UTP15: variants seen among roughly 807,000 people sequenced by gnomAD.
The protein encoded by UTP15 is U3 small nucleolar RNA-associated protein 15 homolog.
In UTP15, 5 loss-of-function variants were observed where a neutral mutation model predicts 59.1. The ratio of observed to expected loss-of-function variants is 0.08; its 90% CI spans 0.04 to 0.18. UTP15 has a LOEUF of 0.18. Among genes scored for constraint, UTP15 ranks in the 10% least tolerant of loss-of-function variants. The pLI is 1.00. For missense variants in UTP15, 494 were observed against 616.7 expected (o/e 0.80, Z 2.11); for synonymous variants, 211 against 212.2 (o/e 0.99, Z 0.05).
intron 7 of UTP15, among the ~76,000 whole-genome samples, chr5:73,576,167 C>G (rs570976086): frequency 1.3e-5 from 2 of 151,808 alleles, no homozygotes; most frequent in East Asian, 3.9e-4. Context: ...GGCAGTGGCA[C>G]GATTTCGGCT....
At chr5:73,573,157 A>G (rs1747991766) in intron 7 of UTP15, among the ~76,000 whole-genome samples, 1 of 152,014 alleles carries the variant, frequency 6.6e-6, no homozygotes, top group African/African-American at 2.4e-5. Context: ...CTTAAACAAC[A>G]TTATTGAACC....
chr5:73,569,749 T>C, intron 5 of UTP15, 74 bp downstream of exon 5: 1 of 1,335,832 alleles, frequency 7.5e-7, no homozygotes, highest in South Asian at 1.8e-5. Flanking sequence ...TGGGACTCTT[T>C]TGGGATGGAG....
At chr5:73,571,911 A>G (rs74680922) in intron 6 of UTP15, among the ~76,000 whole-genome samples, 4,371 of 152,312 alleles carry the variant, frequency 0.029, 223 homozygotes, top group African/African-American at 0.1. Flanking sequence ...GTGTGTCACT[A>G]GCTAATTGTG....
At chr5:73,577,620 T>C (rs1368052514) in intron 8 of UTP15, among the ~76,000 whole-genome samples, 1 of 152,176 alleles carries the variant, frequency 6.6e-6, no homozygotes, top group African/African-American at 2.4e-5. Flanking sequence ...TTATACAAAC[T>C]TTGCCAGTGA....
intron 4 of UTP15, 52 bp from the exon 5 acceptor site, chr5:73,569,445 A>G: frequency 5.9e-6 from 8 of 1,349,452 alleles, no homozygotes; most frequent in Non-Finnish European, 7.9e-6. Context: ...GTTAGAAGGT[A>G]TCAGAAAAAT....
intron 5 of UTP15, 56 bp from the exon 6 acceptor site, chr5:73,570,530 C>A: frequency 6.4e-7 from 1 of 1,563,278 alleles, no homozygotes. Flanking sequence ...TCTGGATACA[C>A]ACAGTTTTTG....
At position 73,569,510 on chromosome 5, in the gene UTP15, G is replaced by C; in HGVS notation, c.382G>C (p.Val128Leu). ...FEGHTKAVHT[V>L]DFTADKYHVV... is the part of the protein sequence containing the mutation. ...TCAATCTTTCAGAGCAGTTCATACA[G>C]TAGATTTTACAGCTGACAAATATCA... Residue 128 changes from valine to leucine, a missense_variant, in exon 5 of 13, where the codon GTA becomes CTA. Transcript: ENST00000296792. 6.2e-7 allele frequency: 1 copy of C among 1,607,296 alleles called. No homozygotes were observed. Among genetic ancestry groups the C allele is most frequent in the South Asian group, 1.1e-5 (1 of 90,082 alleles).
In UTP15 at chr5:73,568,525, G is replaced by A; in HGVS notation, c.289G>A (p.Ala97Thr). The change falls in exon 4 of 13, where the codon GCT becomes ACT. Residue 97 changes from alanine to threonine, a missense_variant. By Grantham distance (58) the Ala-to-Thr change is moderately conservative. Transcript: ENST00000296792. ...TFRQDGRLLVAGSEDGGVQLF... is the reference protein window; with the variant it reads ...TFRQDGRLLVTGSEDGGVQLF... ...TCGACAAGATGGTAGATTGCTTGTGGCTGGCAGTGAAGATGGTGGAGTTCA... is the reference window on the plus strand; with the variant it reads ...TCGACAAGATGGTAGATTGCTTGTGACTGGCAGTGAAGATGGTGGAGTTCA... The A allele has an allele frequency of 6.2e-7, 1 of 1,614,110 alleles. No homozygotes were observed. The highest frequency in any genetic ancestry group is 8.5e-7 in the Non-Finnish European group (1 of 1,179,970).
chr5:73,577,747 T>A lies in UTP15; in HGVS notation c.895-109T>A, dbSNP rs150862681. On this transcript the variant is annotated intron_variant, in intron 8 of 12. Coordinates refer to ENST00000296792, the MANE Select transcript of UTP15 (RefSeq NM_032175.4). ...ACTATGTGTATTTGAATGGAACTGTTGGTGAATGTATGGACAAGCAGCAAA... is the reference window on the plus strand; with the variant it reads ...ACTATGTGTATTTGAATGGAACTGTAGGTGAATGTATGGACAAGCAGCAAA... 1.3e-5 allele frequency: 12 copies of A among 899,636 alleles called. No individual in the cohort carries two copies. In the African/African-American group the frequency reaches 1.7e-4, roughly 13 times the overall value. 55.7% of individuals were successfully genotyped at this position (899,636 alleles called of 1,614,324 possible).
chr5:73,566,312 G>C (rs147283123), intron 1 of UTP15: 145 of 187,892 alleles, frequency 7.7e-4, no homozygotes, highest in African/African-American at 3.1e-3. Context: ...TTAATATCTG[G>C]TGCCAGTCAC....
rs774901539 is a variant in UTP15 at position 73,567,366 on chromosome 5, G to A, written c.22G>A (p.Ala8Thr). Residue 8 changes from alanine to threonine, a missense_variant, in exon 2 of 13, where the codon GCT becomes ACT. Ala to Thr is a moderately conservative substitution (Grantham distance 58). Coordinates refer to ENST00000296792, the MANE Select transcript of UTP15 (RefSeq NM_032175.4). MAGYKPV[A>T]IQTYPILGEK... is the part of the protein sequence containing the mutation. ...AATTATGGCTGGTTATAAGCCTGTA[G>A]CTATTCAGACATATCCTATACTTGG... 5.6e-6 allele frequency: 9 copies of A among 1,608,070 alleles called. No individual in the cohort carries two copies. The highest frequency in any genetic ancestry group is 7.6e-6 in the Non-Finnish European group (9 of 1,176,996).
intron 8 of UTP15, 66 bp from the exon 9 acceptor site, chr5:73,577,790 T>C: frequency 7.2e-7 from 1 of 1,381,506 alleles, no homozygotes; most frequent in South Asian, 1.4e-5. Context: ...TAAATGTGTT[T>C]TGAAGTAAAA....
rs1333775162 is a variant in UTP15 at position 73,580,697 on chromosome 5, C to G, written c.*603C>G. The stretch of plus-strand genomic sequence containing the variant: ...AGTTTTCGGCTCTGAAGAACTGACA[C>G]TAGCTAGATTTGTATTCAGAGTGTG... On this transcript the variant is annotated 3_prime_UTR_variant, in exon 13 of 13. Transcript: ENST00000296792. 1 of 152,198 alleles carries G rather than the reference C, an allele frequency of 6.6e-6. No homozygotes were observed. Among genetic ancestry groups the G allele is most frequent in the African/African-American group, 2.4e-5 (1 of 41,408 alleles). The allele number at this position is 152,198 out of a possible 1,614,324, so 9.4% of individuals were successfully genotyped here.
In UTP15 at chr5:73,568,541, G is replaced by C; in HGVS notation, c.305G>C (p.Gly102Ala). ...GRLLVAGSEDGGVQLFDISGR... is the reference protein window; with the variant it reads ...GRLLVAGSEDAGVQLFDISGR... ...TTGCTTGTGGCTGGCAGTGAAGATG[G>C]TGGAGTTCAACTTTTTGATATAAGT... Residue 102 changes from glycine to alanine, a missense_variant, in exon 4 of 13, where the codon GGT becomes GCT. Gly to Ala is a moderately conservative substitution (Grantham distance 60, BLOSUM62 0). Transcript: ENST00000296792. The C allele has an allele frequency of 6.2e-7, 1 of 1,614,086 alleles. No individual in the cohort carries two copies. Among genetic ancestry groups the C allele is most frequent in the Non-Finnish European group, 8.5e-7 (1 of 1,179,954 alleles).
At chr5:73,573,118 C>T (rs1282557121) in intron 7 of UTP15, among the ~76,000 whole-genome samples, 5 of 151,942 alleles carry the variant, frequency 3.3e-5, no homozygotes, top group Admixed American at 3.3e-4. Flanking sequence ...TTATTTTCTC[C>T]TTTGACACAA....
In UTP15 at chr5:73,578,665, C is replaced by T. The variant is rs951319117; in HGVS notation, c.1045-86C>T. The T allele has an allele frequency of 3.6e-6, 4 of 1,117,588 alleles. No individual in the cohort carries two copies. In the African/African-American group the frequency reaches 4.7e-5, roughly 13 times the overall value. The allele number at this position is 1,117,588 out of a possible 1,614,324, so 69.2% of individuals were successfully genotyped here. On this transcript the variant is annotated intron_variant, in intron 9 of 12. Transcript: ENST00000296792. Reference sequence around the variant, plus strand: ...TTATTTGTGACATAGTTCAGAGATACCACTTCATTATGAAAAAGTTTATAT... The same window carrying T: ...TTATTTGTGACATAGTTCAGAGATATCACTTCATTATGAAAAAGTTTATAT...
At position 73,580,401 on chromosome 5, in the gene UTP15, T is replaced by C; in HGVS notation, c.*307T>C. On this transcript the variant is annotated 3_prime_UTR_variant, in exon 13 of 13. Transcript: ENST00000296792. ...TGTTCTGTATCAACATTTGGGTTGG[T>C]ATTCAGATGGGAATTCAAATATGAA... 2 of 195,698 alleles carry C rather than the reference T, an allele frequency of 1.0e-5. No individual in the cohort carries two copies. Among genetic ancestry groups the C allele is most frequent in the Non-Finnish European group, 2.1e-5 (2 of 97,146 alleles). The allele number at this position is 195,698 out of a possible 1,614,324, so 12.1% of individuals were successfully genotyped here.
chr5:73,572,846 G>A (rs1332582292), intron 7 of UTP15, among the ~76,000 whole-genome samples: 1 of 151,984 alleles, frequency 6.6e-6, no homozygotes. Flanking sequence ...CACCTAGGCT[G>A]GAGTGCAGTG....
At chr5:73,569,735 G>T (rs968688072) in intron 5 of UTP15, 60 bp downstream of exon 5, 6 of 1,386,656 alleles carry the variant, frequency 4.3e-6, no homozygotes, top group Non-Finnish European at 4.7e-6. Context: ...CTTTAATGTT[G>T]CTATGGGACT....
Sources: allele counts gnomAD v4.1 joint callset (sites outside exome capture counted in the v4.1 genomes callset), GRCh38; gene constraint gnomAD v4.1.1; transcripts MANE v1.5; gene names NCBI Gene and HGNC (gene_info 2026-07-23, HGNC 2026-07-21).